Variants in VPS13B observed in about 807,000 individuals in gnomAD.
VPS13B encodes vacuolar protein sorting 13 homolog B.
VPS13B carries 285 observed loss-of-function variants against 426.4 expected under a neutral mutation model. That is an observed-to-expected ratio of 0.67 (90% confidence interval 0.61 to 0.74). The LOEUF (loss-of-function observed/expected upper bound fraction) is 0.74. Ranked by LOEUF, VPS13B falls within the 30% of genes least tolerant of loss-of-function variation. The pLI is 0.00. For missense variants in VPS13B, 4,537 were observed against 4,782.6 expected (o/e 0.95, Z 1.51); for synonymous variants, 1,676 against 1,676.4 (o/e 1.00, Z 0.01).
At chr8:99,121,090 G>T in intron 7 of VPS13B, 87 bp from the exon 8 acceptor site, 2 of 1,308,592 alleles carry the variant, frequency 1.5e-6, no homozygotes, top group Non-Finnish European at 2.1e-6. Context: ...GAAGGATATG[G>T]GAGGAAAAAT....
chr8:99,794,900 C>T (rs1812731575), intron 43 of VPS13B, among the ~76,000 whole-genome samples: 1 of 152,276 alleles, frequency 6.6e-6, no homozygotes. Context: ...TTGACTAGCT[C>T]TCTGAGCCAT....
chr8:99,622,909 C>T (rs1398336752), intron 33 of VPS13B, among the ~76,000 whole-genome samples: 1 of 152,136 alleles, frequency 6.6e-6, no homozygotes, highest in East Asian at 1.9e-4. Flanking sequence ...GTCTCTCTTC[C>T]AAGTTACCAT....
chr8:99,284,762 T>C (rs958522755), intron 19 of VPS13B, among the ~76,000 whole-genome samples: 1 of 151,976 alleles, frequency 6.6e-6, no homozygotes, highest in Non-Finnish European at 1.5e-5. Context: ...AGTCCCACTA[T>C]GTTGCCCAGG....
intron 17 of VPS13B, among the ~76,000 whole-genome samples, chr8:99,237,192 C>T (rs369416554): frequency 6.6e-5 from 10 of 152,170 alleles, no homozygotes; most frequent in South Asian, 2.1e-4. Context: ...TGCTCAGTCT[C>T]GGGTATGTCT....
chr8:99,776,816 T>C lies in VPS13B; in HGVS notation c.7289T>C (p.Leu2430Pro). ...GGTTCTCAAAGCACTTGTGATCCAC[T>C]TGTGACTCCAACAGCCCTGGCTGCC... is the stretch of plus-strand genomic sequence containing the variant. Reference protein sequence around the residue: ...ESGSQSTCDPLVTPTALAACT... With the variant: ...ESGSQSTCDPPVTPTALAACT... The change falls in exon 41 of 62, where the codon CTT (leucine) becomes CCT (proline). Residue 2430 changes from leucine (L) to proline (P), a missense_variant. Around this residue, in one of 2 missense-constraint regions of VPS13B, gnomAD observed 4,311 missense variants for 4,474.3 expected, o/e 0.96. Transcript: ENST00000357162. The C allele has an allele frequency of 6.2e-7, 1 of 1,614,074 alleles. No homozygotes were observed. Among genetic ancestry groups the C allele is most frequent in the South Asian group, 1.1e-5 (1 of 91,088 alleles).
At chr8:99,271,776 G>A (rs544845530) in intron 17 of VPS13B, among the ~76,000 whole-genome samples, 2 of 152,280 alleles carry the variant, frequency 1.3e-5, no homozygotes, top group East Asian at 1.9e-4. Flanking sequence ...TTTAAAAACC[G>A]TTAGATCTTG....
At chr8:99,150,555 TAACCACTGGC>T (rs1399532350) in intron 14 of VPS13B, among the ~76,000 whole-genome samples, 1 of 152,212 alleles carries the variant, frequency 6.6e-6, no homozygotes, top group Non-Finnish European at 1.5e-5. Context: ...TTCCTCTCCC[TAACCACTGGC>T]AACCACTGAT....
intron 16 of VPS13B, among the ~76,000 whole-genome samples, chr8:99,175,678 G>A (rs144342630): frequency 3.9e-5 from 6 of 152,176 alleles, no homozygotes; most frequent in South Asian, 2.1e-4. Context: ...GATCACTTGC[G>A]CTCGGGAGAT....
chr8:99,416,570 G>C (rs1455679978), intron 21 of VPS13B, among the ~76,000 whole-genome samples: 3 of 152,324 alleles, frequency 2.0e-5, no homozygotes, highest in East Asian at 3.9e-4. Flanking sequence ...GGAATCACCA[G>C]GTCTGCGGGT....
rs183036587 is a variant in VPS13B, at chr8:99,423,981, G to A, written c.3083-7556G>A. ...GATAGCTTTGTTAACTTTCTGTCTC[G>A]TTGATCTGTCTAATGTTGACAGTGG... is the stretch of plus-strand genomic sequence containing the variant. On this transcript the variant is annotated intron_variant, in intron 21 of 61. Transcript: ENST00000357162. Among the ~76,000 whole-genome samples the A allele has an allele frequency of 1.8e-4, 27 of 152,208 alleles. No individual in the cohort carries two copies. In the East Asian group the frequency reaches 4.6e-3, roughly 26 times the overall value.
intron 9 of VPS13B, 127 bp from the exon 10 acceptor site, chr8:99,134,888 T>C (rs1809992967): frequency 1.6e-6 from 2 of 1,258,450 alleles, no homozygotes; most frequent in Non-Finnish European, 2.2e-6. Flanking sequence ...AAATAAATAG[T>C]ATAGAATAAA....
intron 25 of VPS13B, among the ~76,000 whole-genome samples, chr8:99,492,874 C>T (rs1336468975): frequency 2.0e-5 from 3 of 152,142 alleles, no homozygotes; most frequent in Non-Finnish European, 4.4e-5. Context: ...TGGGCTGCAC[C>T]CACTCTCCAA....
At chr8:99,725,344 A>G (rs1049725038) in intron 39 of VPS13B, among the ~76,000 whole-genome samples, 1 of 152,184 alleles carries the variant, frequency 6.6e-6, no homozygotes, top group Non-Finnish European at 1.5e-5. Context: ...GTGGCAGGCA[A>G]GCATTCCCAC....
chr8:99,766,336 G>A (rs1811224691), intron 39 of VPS13B, among the ~76,000 whole-genome samples: 4 of 151,898 alleles, frequency 2.6e-5, no homozygotes, highest in Admixed American at 1.3e-4. Context: ...TGCCCGCCTC[G>A]GCCTCCCAAA....
At chr8:99,030,275 G>A (rs529033979) in intron 2 of VPS13B, among the ~76,000 whole-genome samples, 4 of 148,522 alleles carry the variant, frequency 2.7e-5, no homozygotes, top group South Asian at 4.3e-4. Flanking sequence ...AATGTTCAGC[G>A]TTGTTTAGTT....
intron 21 of VPS13B, among the ~76,000 whole-genome samples, chr8:99,396,746 T>C (rs1239965006): frequency 2.0e-5 from 3 of 152,186 alleles, no homozygotes; most frequent in African/African-American, 7.2e-5. Flanking sequence ...TTTATGATCG[T>C]GTTTCATAAT....
At chr8:99,616,028 C>T (rs1323628401) in intron 33 of VPS13B, among the ~76,000 whole-genome samples, 7 of 152,078 alleles carry the variant, frequency 4.6e-5, no homozygotes, top group African/African-American at 1.7e-4. Context: ...TTAAAAATCT[C>T]CTCTACAGAT....
intron 35 of VPS13B, among the ~76,000 whole-genome samples, chr8:99,675,893 T>C (rs1311588284): frequency 6.6e-6 from 1 of 152,140 alleles, no homozygotes; most frequent in Non-Finnish European, 1.5e-5. Flanking sequence ...TTATTGAGTT[T>C]CCTTAAAGCA....
chr8:99,532,333 A>G (rs145028788), intron 30 of VPS13B, among the ~76,000 whole-genome samples: 2 of 152,290 alleles, frequency 1.3e-5, no homozygotes, highest in African/African-American at 4.8e-5. Context: ...CTCCATAGAT[A>G]ATTTCATTCT....
Sources: gnomAD v4.1 joint callset for allele counts (sites outside exome capture counted in the v4.1 genomes callset) on GRCh38, gnomAD v4.1.1 for gene constraint, gnomAD v4.1.1 regional missense constraint, MANE v1.5 for transcripts, NCBI Gene and HGNC (gene_info 2026-07-23, HGNC 2026-07-21) for gene names.